SLC16A7: variants seen among roughly 807,000 people sequenced by gnomAD.
SLC16A7 encodes the protein monocarboxylate transporter 2.
A neutral mutation model predicts 34.9 loss-of-function variants in SLC16A7; 33 were observed. The ratio of observed to expected loss-of-function variants is 0.94; its 90% CI spans 0.72 to 1.26. The LOEUF (loss-of-function observed/expected upper bound fraction) is 1.26. SLC16A7 is among the 50% of genes most tolerant of loss of function. The pLI is 0.00. For synonymous variants in SLC16A7, 201 were observed against 206.6 expected (o/e 0.97, Z 0.23); for missense variants, 573 against 578.1 (o/e 0.99, Z 0.09).
Position 59,622,349 on chromosome 12 carries a change from A to G in SLC16A7, c.-130+26113A>G, listed in dbSNP as rs185052144. 9.0e-4 allele frequency among the ~76,000 whole-genome samples: 137 copies of G among 151,968 alleles called. 4 individuals are homozygous for G. The highest frequency in any genetic ancestry group is 3.4e-3 in the Middle Eastern group (1 of 294). On this transcript the variant is annotated intron_variant, in intron 1 of 5. Coordinates refer to ENST00000547379, the MANE Select transcript of SLC16A7 (RefSeq NM_001270623.2). ...TTGGTCAAACATTTCAGTCCTACAT[A>G]TATTGATAAAATGTTTGACTTCAAT... is the stretch of plus-strand genomic sequence containing the variant.
chr12:59,612,282 A>G (rs758264676), intron 1 of SLC16A7, among the ~76,000 whole-genome samples: 25 of 152,224 alleles, frequency 1.6e-4, no homozygotes, highest in Non-Finnish European at 3.1e-4. Context: ...CACGTGTAAG[A>G]CGCCAAGGCT....
At chr12:59,646,253 G>A (rs1868249900) in intron 1 of SLC16A7, among the ~76,000 whole-genome samples, 1 of 152,194 alleles carries the variant, frequency 6.6e-6, no homozygotes. Context: ...GGAGGCCTAG[G>A]AGGGAAAAAT....
Position 59,668,524 on chromosome 12 carries a change from G to A in SLC16A7, c.-31+13274G>A, listed in dbSNP as rs1013459634. Among the ~76,000 whole-genome samples, 5 of 152,230 alleles carry A rather than the reference G, an allele frequency of 3.3e-5. No homozygotes were observed. In the East Asian group the frequency reaches 7.7e-4, roughly 24 times the overall value. ...TTTTGCCAATTTCTACATTTAGAAT[G>A]GGCATATTTACCCAATTTCTGCACC... On this transcript the variant is annotated intron_variant, in intron 2 of 5. Coordinates refer to ENST00000547379, the MANE Select transcript of SLC16A7 (RefSeq NM_001270623.2).
intron 1 of SLC16A7, among the ~76,000 whole-genome samples, chr12:59,609,212 G>A (rs1879080998): frequency 6.6e-6 from 1 of 152,194 alleles, no homozygotes; most frequent in Admixed American, 6.5e-5. Context: ...ATGCTTTTAG[G>A]GAGATACTAA....
chr12:59,757,382 T>G (rs1360490560), intron 3 of SLC16A7, among the ~76,000 whole-genome samples: 1 of 152,086 alleles, frequency 6.6e-6, no homozygotes, highest in East Asian at 1.9e-4. Context: ...TGCACATGTA[T>G]CCCAGAACTT....
At chr12:59,718,498 C>G (rs532719173) in intron 3 of SLC16A7, among the ~76,000 whole-genome samples, 121 of 152,210 alleles carry the variant, frequency 7.9e-4, no homozygotes, top group African/African-American at 2.9e-3. Flanking sequence ...CTCGATACCT[C>G]TCTGCTTCAA....
rs1402451025 is a variant in SLC16A7 at position 59,671,807 on chromosome 12, GTGTA to G, written c.-31+16559_-31+16562del. On this transcript the variant is annotated intron_variant, in intron 2 of 5. Coordinates refer to ENST00000547379, the MANE Select transcript of SLC16A7 (RefSeq NM_001270623.2). The stretch of plus-strand genomic sequence containing the variant: ...TGTGTATATGTATATATGTATATAT[GTGTA>G]TATATATGTGTATATGTATATATGT... 8.6e-5 allele frequency among the ~76,000 whole-genome samples: 12 copies of G among 139,840 alleles called. 1 individual carries two copies. In the South Asian group the frequency reaches 2.6e-3, roughly 31 times the overall value. The allele number at this position is 139,840 out of a possible 152,430, so 91.7% of individuals were successfully genotyped here.
At chr12:59,754,875 C>T (rs1400601107) in intron 3 of SLC16A7, among the ~76,000 whole-genome samples, 1 of 152,086 alleles carries the variant, frequency 6.6e-6, no homozygotes, top group South Asian at 2.1e-4. Context: ...ACTGGCAAAA[C>T]GAATCCACCA....
intron 3 of SLC16A7, among the ~76,000 whole-genome samples, chr12:59,721,118 T>C (rs564300741): frequency 4.7e-4 from 71 of 152,134 alleles, no homozygotes; most frequent in African/African-American, 1.7e-3. Flanking sequence ...CCATATTTTA[T>C]ATTATATTAC....
chr12:59,677,883 G>T (rs576360727), intron 2 of SLC16A7, among the ~76,000 whole-genome samples: 1 of 152,164 alleles, frequency 6.6e-6, no homozygotes, highest in Non-Finnish European at 1.5e-5. Context: ...GGATCCTTGG[G>T]TGTCACTTCA....
chr12:59,604,512 T>C (rs1287600259), intron 1 of SLC16A7, among the ~76,000 whole-genome samples: 3 of 152,200 alleles, frequency 2.0e-5, no homozygotes, highest in Admixed American at 6.5e-5. Flanking sequence ...TTTAAGGACA[T>C]TGGACCAAAT....
intron 3 of SLC16A7, among the ~76,000 whole-genome samples, chr12:59,728,196 G>A (rs1876511801): frequency 6.6e-6 from 1 of 152,136 alleles, no homozygotes; most frequent in Non-Finnish European, 1.5e-5. Context: ...AATCACTTCT[G>A]GGGGTGATTA....
chr12:59,667,193 C>T (rs1869277863), intron 2 of SLC16A7, among the ~76,000 whole-genome samples: 1 of 152,150 alleles, frequency 6.6e-6, no homozygotes, highest in African/African-American at 2.4e-5. Flanking sequence ...TAGTCCCTCC[C>T]ACAACACGTG....
chr12:59,711,147 T>C (rs1874180804), intron 3 of SLC16A7, among the ~76,000 whole-genome samples: 1 of 152,126 alleles, frequency 6.6e-6, no homozygotes, highest in South Asian at 2.1e-4. Context: ...AGTGGGTGAA[T>C]GAGGGACTAA....
chr12:59,690,166 G>A (rs1871480744), intron 2 of SLC16A7, among the ~76,000 whole-genome samples: 1 of 152,018 alleles, frequency 6.6e-6, no homozygotes, highest in East Asian at 1.9e-4. Context: ...CCATGACTCT[G>A]GGAGAGAAGA....
chr12:59,666,493 C>T (rs984752006), intron 2 of SLC16A7, among the ~76,000 whole-genome samples: 11 of 152,252 alleles, frequency 7.2e-5, no homozygotes, highest in Admixed American at 2.0e-4. Context: ...CTTGAATTGT[C>T]GTTTCCATAA....
chr12:59,647,056 T>A (rs766942700), intron 1 of SLC16A7, among the ~76,000 whole-genome samples: 2 of 152,188 alleles, frequency 1.3e-5, no homozygotes, highest in Non-Finnish European at 2.9e-5. Context: ...ACTTCCCTTG[T>A]CTCAGATAAG....
chr12:59,692,043 G>A (rs898554857), intron 2 of SLC16A7, among the ~76,000 whole-genome samples: 2 of 151,934 alleles, frequency 1.3e-5, no homozygotes, highest in African/African-American at 4.8e-5. Context: ...TAGACATCAA[G>A]GTGAAGAACC....
rs1466484757 is a variant in SLC16A7 at position 59,786,032 on chromosome 12, T to A, written c.*6353T>A. 1.2e-5 allele frequency: 1 copy of A among 80,704 alleles called. No individual in the cohort carries two copies. Among genetic ancestry groups the A allele is most frequent in the African/African-American group, 4.5e-5 (1 of 22,010 alleles). 5.0% of individuals were successfully genotyped at this position (80,704 alleles called of 1,614,324 possible). ...GGGGAACATCACACTCTGGGGACTG[T>A]GGTGGGGTCGGGGGAGGGGGGAGGG... On this transcript the variant is annotated 3_prime_UTR_variant, in exon 6 of 6. Transcript: ENST00000547379.
Sources: gnomAD v4.1 joint callset for allele counts (sites outside exome capture counted in the v4.1 genomes callset) on GRCh38, gnomAD v4.1.1 for gene constraint, MANE v1.5 for transcripts, NCBI Gene and HGNC (gene_info 2026-07-23, HGNC 2026-07-21) for gene names.